Variants in BCL7A observed in about 807,000 individuals in gnomAD.
BCL7A encodes the protein BAF chromatin remodeling complex subunit BCL7A, also known as B-cell CLL/lymphoma 7 protein family member A.
A neutral mutation model predicts 28.4 loss-of-function variants in BCL7A; 11 were observed. The observed-to-expected ratio is 0.39, with a 90% CI of 0.24 to 0.64. BCL7A has a LOEUF of 0.64. Among genes scored for constraint, BCL7A ranks in the 30% least tolerant of loss-of-function variants. The pLI, the probability that BCL7A is intolerant of heterozygous loss-of-function variation, is 0.50. For synonymous variants in BCL7A, 123 were observed against 103.3 expected (o/e 1.19, Z -1.15); for missense variants, 222 against 274.8 (o/e 0.81, Z 1.36).
At chr12:122,042,969 C>T (rs1442422887) in intron 3 of BCL7A, among the ~76,000 whole-genome samples, 1 of 151,766 alleles carries the variant, frequency 6.6e-6, no homozygotes, top group Non-Finnish European at 1.5e-5. Context: ...GTCGAGTCTC[C>T]TAGCTTTCTT....
chr12:122,039,578 G>T (rs1212927705), intron 3 of BCL7A, among the ~76,000 whole-genome samples: 6 of 148,062 alleles, frequency 4.1e-5, no homozygotes, highest in Non-Finnish European at 8.9e-5. Context: ...TTTGGGCCAG[G>T]TGTGGTGGCT....
intron 5 of BCL7A, 24 bp downstream of exon 5, chr12:122,054,950 G>T: frequency 6.2e-7 from 1 of 1,614,154 alleles, no homozygotes; most frequent in Admixed American, 1.7e-5. Context: ...GGTCTCAGAG[G>T]GGCAGCCAGA....
At chr12:122,047,899 CTTTTTT>C (rs776109345) in intron 4 of BCL7A, among the ~76,000 whole-genome samples, 1 of 101,002 alleles carries the variant, frequency 9.9e-6, no homozygotes, top group Non-Finnish European at 2.0e-5. Flanking sequence ...CTGGAGAAGG[CTTTTTT>C]TTTTTTTTTT....
intron 3 of BCL7A, among the ~76,000 whole-genome samples, chr12:122,037,479 C>G (rs1202342880): frequency 6.6e-6 from 1 of 152,324 alleles, no homozygotes; most frequent in South Asian, 2.1e-4. Context: ...CTGGAAAACA[C>G]AGTCACCAGC....
intron 3 of BCL7A, 64 bp downstream of exon 3, chr12:122,035,491 A>T: frequency 6.9e-7 from 1 of 1,453,262 alleles, no homozygotes. Flanking sequence ...GCACTCGGTC[A>T]TGTTTTTGTT....
At chr12:122,023,380 G>A (rs1212097622) in intron 1 of BCL7A, among the ~76,000 whole-genome samples, 1 of 152,192 alleles carries the variant, frequency 6.6e-6, no homozygotes, top group African/African-American at 2.4e-5. Context: ...CTGTGGCAGG[G>A]GATGTTTACG....
rs552569026 is a variant in BCL7A at position 122,061,825 on chromosome 12, C to T, written c.*2662C>T. ...AGGGTGGTGACCTCCCATTAGCAAA[C>T]GGTGTCATGGTTTGGAATGTTCATT... is the stretch of plus-strand genomic sequence containing the variant. On this transcript the variant is annotated 3_prime_UTR_variant, in exon 6 of 6. Coordinates refer to ENST00000261822, the MANE Select transcript of BCL7A (RefSeq NM_001024808.3). The T allele has an allele frequency of 8.4e-5, 19 of 226,820 alleles. No individual in the cohort carries two copies. Among genetic ancestry groups the T allele is most frequent in the African/African-American group, 3.6e-4 (16 of 44,976 alleles). The allele number at this position is 226,820 out of a possible 1,614,324, so 14.1% of individuals were successfully genotyped here.
At chr12:122,056,311 C>G (rs1424326301) in intron 5 of BCL7A, among the ~76,000 whole-genome samples, 8 of 152,080 alleles carry the variant, frequency 5.3e-5, no homozygotes, top group Admixed American at 5.2e-4. Context: ...CCCGCAGTAC[C>G]TGGAAATGCC....
At chr12:122,022,850 G>C (rs887866257) in intron 1 of BCL7A, among the ~76,000 whole-genome samples, 1 of 151,788 alleles carries the variant, frequency 6.6e-6, no homozygotes, top group African/African-American at 2.4e-5. Flanking sequence ...CTGGGAGCCA[G>C]CGGCCAGGGG....
intron 5 of BCL7A, among the ~76,000 whole-genome samples, chr12:122,058,030 A>G (rs1474561410): frequency 6.6e-6 from 1 of 151,762 alleles, no homozygotes; most frequent in East Asian, 1.9e-4. Flanking sequence ...TCTCTACAAA[A>G]AACTTAAAAA....
rs1373498450 is a variant in BCL7A at position 122,059,204 on chromosome 12, A to G, written c.*41A>G. On this transcript the variant is annotated 3_prime_UTR_variant, in exon 6 of 6. Coordinates refer to ENST00000261822, the MANE Select transcript of BCL7A (RefSeq NM_001024808.3). This position sits in a 1 kb window ranked among gnomAD's most constrained non-coding sequence, Gnocchi z 4.0. ...CTCCGATCCATGTTCCATGGAAGGT[A>G]CATCAGCAATTAATTCTAGAGCAAC... 5 of 1,558,208 alleles carry G rather than the reference A, an allele frequency of 3.2e-6. No individual in the cohort carries two copies. Among genetic ancestry groups the G allele is most frequent in the Non-Finnish European group, 4.4e-6 (5 of 1,130,032 alleles).
At chr12:122,035,468 G>T in intron 3 of BCL7A, 41 bp downstream of exon 3, 2 of 1,563,104 alleles carry the variant, frequency 1.3e-6, no homozygotes, top group Non-Finnish European at 1.8e-6. Context: ...GCCCAGCCCG[G>T]GGCCTTGGCC....
At chr12:122,047,996 C>T (rs1370715193) in intron 4 of BCL7A, among the ~76,000 whole-genome samples, 1 of 151,276 alleles carries the variant, frequency 6.6e-6, no homozygotes, top group Non-Finnish European at 1.5e-5. Flanking sequence ...CTCCACCTCC[C>T]GCGTTCAAGC....
intron 4 of BCL7A, among the ~76,000 whole-genome samples, chr12:122,044,801 G>C (rs974688224): frequency 6.6e-6 from 1 of 152,136 alleles, no homozygotes; most frequent in Non-Finnish European, 1.5e-5. Context: ...ACTCCAGCCT[G>C]GGTGACAGAG....
Position 122,061,274 on chromosome 12 carries a change from C to T in BCL7A, c.*2111C>T, listed in dbSNP as rs182819813. The T allele has an allele frequency of 1.1e-3, 262 of 231,232 alleles. 1 individual carries two copies. The highest frequency in any genetic ancestry group is 1.9e-3 in the Non-Finnish European group (221 of 116,738). The allele number at this position is 231,232 out of a possible 1,614,324, so 14.3% of individuals were successfully genotyped here. ...AACAGAGAGGCGTAGGTGGCCCTGC[C>T]GTTGACCGCAGCCTCTCTGGACAGG... On this transcript the variant is annotated 3_prime_UTR_variant, in exon 6 of 6. Transcript: ENST00000261822.
intron 4 of BCL7A, 145 bp from the exon 5 acceptor site, chr12:122,054,660 G>C: frequency 1.3e-6 from 1 of 794,616 alleles, no homozygotes; most frequent in East Asian, 2.5e-5. Flanking sequence ...AGACTCCCCA[G>C]CCCTCCAGCC....
chr12:122,035,337 A>G lies in BCL7A; in HGVS notation c.181A>G (p.Lys61Glu). 1.9e-6 allele frequency: 3 copies of G among 1,614,054 alleles called. No individual in the cohort carries two copies. The highest frequency in any genetic ancestry group is 2.5e-6 in the Non-Finnish European group (3 of 1,179,902). ...GCTCCATTTTCCCCTGCAGAAAAAC[A>G]AGAATAAGAAAAAAGGCAAGGACGA... ...VTEPKVDDKN[K>E]NKKKGKDEKC... is the part of the protein sequence containing the mutation. The change falls in exon 3 of 6, where the codon AAG becomes GAG. Residue 61 changes from lysine to glutamate, a missense_variant. By Grantham distance (56) the Lys-to-Glu change is moderately conservative (BLOSUM62 1). Around this residue, in one of 2 missense-constraint regions of BCL7A, gnomAD observed 67 missense variants for 129.1 expected, o/e 0.52. Coordinates refer to ENST00000261822, the MANE Select transcript of BCL7A (RefSeq NM_001024808.3).
chr12:122,044,285 G>A, intron 4 of BCL7A: 1 of 489,488 alleles, frequency 2.0e-6, no homozygotes, highest in South Asian at 3.1e-5. Context: ...AAGGTGTGAG[G>A]ACTGCTTGAG....
In BCL7A at chr12:122,045,109, G is replaced by C. The variant is rs115797997; in HGVS notation, c.439+1056G>C. 3.3e-5 allele frequency among the ~76,000 whole-genome samples: 5 copies of C among 152,076 alleles called. No individual in the cohort carries two copies. The East Asian group carries it at 9.7e-4, about 29-fold the overall frequency. On this transcript the variant is annotated intron_variant, in intron 4 of 5. Coordinates refer to ENST00000261822, the MANE Select transcript of BCL7A (RefSeq NM_001024808.3). The stretch of plus-strand genomic sequence containing the variant: ...GGAAAATAAGATGGGCACCAGGCGC[G>C]GTGGCTCACGCCTGTAATCCCAGCA...
Sources: gnomAD v4.1 joint callset for allele counts (sites outside exome capture counted in the v4.1 genomes callset) on GRCh38, gnomAD v4.1.1 for gene constraint, gnomAD v4.1.1 regional missense constraint, Gnocchi (gnomAD v3.1) non-coding constraint, MANE v1.5 for transcripts, NCBI Gene and HGNC (gene_info 2026-07-23, HGNC 2026-07-21) for gene names.